Variants in PRUNE2 observed in about 807,000 individuals in gnomAD.
The protein encoded by PRUNE2 is prune homolog 2 with BCH domain.
In PRUNE2, 164 loss-of-function variants were observed where a neutral mutation model predicts 252.0. The observed-to-expected ratio is 0.65, with a 90% CI of 0.57 to 0.74. PRUNE2 has a LOEUF of 0.74. Among genes scored for constraint, PRUNE2 ranks in the 30% least tolerant of loss-of-function variants. PRUNE2 has a pLI of 0.00. For missense variants in PRUNE2, 3,495 were observed against 3,711.0 expected (o/e 0.94, Z 1.51); for synonymous variants, 1,292 against 1,350.2 (o/e 0.96, Z 0.94).
intron 6 of PRUNE2, among the ~76,000 whole-genome samples, chr9:76,782,440 TG>T (rs1274679479): frequency 6.6e-6 from 1 of 152,142 alleles, no homozygotes; most frequent in Non-Finnish European, 1.5e-5. Flanking sequence ...TTTACAGCCT[TG>T]GGAAAGTTAT....
intron 6 of PRUNE2, among the ~76,000 whole-genome samples, chr9:76,797,072 C>T (rs1425118128): frequency 2.0e-5 from 3 of 151,392 alleles, no homozygotes; most frequent in African/African-American, 7.4e-5. Context: ...AGTGTTACTA[C>T]TGGGAGAGGA....
At chr9:76,854,277 T>G (rs1301041686) in intron 1 of PRUNE2, 69 bp from the exon 2 acceptor site, 2 of 824,528 alleles carry the variant, frequency 2.4e-6, no homozygotes, top group South Asian at 4.1e-5. Flanking sequence ...ATTTTTAATA[T>G]TTTAAAAAAG....
intron 1 of PRUNE2, among the ~76,000 whole-genome samples, chr9:76,855,082 A>AAAAAAAATATATATATATATAT (rs1490285240): frequency 9.1e-6 from 1 of 109,436 alleles, no homozygotes; most frequent in African/African-American, 3.9e-5. Context: ...AAAAAAAAAA[A>AAAAAAAATATATATATATATAT]ATATATATAT....
chr9:76,899,596 C>A (rs1168702991), intron 1 of PRUNE2, among the ~76,000 whole-genome samples: 1 of 152,108 alleles, frequency 6.6e-6, no homozygotes, highest in African/African-American at 2.4e-5. Context: ...TTTATTAATT[C>A]TAAAACCACT....
In PRUNE2 at chr9:76,770,961, ATAAC is replaced by A. The variant is rs144748804; in HGVS notation, c.756+52667_756+52670del. Among the ~76,000 whole-genome samples, 602 of 152,302 alleles carry A rather than the reference ATAAC, an allele frequency of 4.0e-3. 2 individuals carry two copies. Among genetic ancestry groups the A allele is most frequent in the African/African-American group, 0.014 (567 of 41,564 alleles). On this transcript the variant is annotated intron_variant, in intron 6 of 18. Transcript: ENST00000376718. ...AGAAGAATTAGTAATTGATAAACTA[ATAAC>A]TAACTAGAGACACTGTAACACTTAC...
intron 17 of PRUNE2, among the ~76,000 whole-genome samples, chr9:76,622,861 G>A (rs1236045817): frequency 6.6e-6 from 1 of 152,154 alleles, no homozygotes; most frequent in Non-Finnish European, 1.5e-5. Flanking sequence ...CTGGAATATT[G>A]TAACAGTAAA....
chr9:76,836,199 C>A (rs1274985287), intron 4 of PRUNE2, among the ~76,000 whole-genome samples: 1 of 151,488 alleles, frequency 6.6e-6, no homozygotes, highest in Non-Finnish European at 1.5e-5. Context: ...TCCTCTAGCA[C>A]ACATCTCTGG....
At chr9:76,781,415 C>T (rs7846757) in intron 6 of PRUNE2, among the ~76,000 whole-genome samples, 384 of 152,304 alleles carry the variant, frequency 2.5e-3, no homozygotes, top group African/African-American at 8.9e-3. Context: ...CCTGAATGTG[C>T]CGACCTATTT....
intron 15 of PRUNE2, among the ~76,000 whole-genome samples, chr9:76,633,804 T>C (rs1025846507): frequency 2.0e-5 from 3 of 152,034 alleles, no homozygotes; most frequent in Non-Finnish European, 2.9e-5. Context: ...TTTTCCTATA[T>C]AATGGAAATA....
At chr9:76,793,380 A>G (rs2055745913) in intron 6 of PRUNE2, among the ~76,000 whole-genome samples, 1 of 152,218 alleles carries the variant, frequency 6.6e-6, no homozygotes, top group Non-Finnish European at 1.5e-5. Context: ...TGGAGGATTG[A>G]CGAACATTTG....
At chr9:76,873,045 C>A (rs1021191222) in intron 1 of PRUNE2, among the ~76,000 whole-genome samples, 3 of 151,958 alleles carry the variant, frequency 2.0e-5, no homozygotes, top group African/African-American at 7.3e-5. Flanking sequence ...AGGGAGAAGC[C>A]CATCCACAAA....
chr9:76,625,016 A>AT, intron 16 of PRUNE2: 1 of 1,302,756 alleles, frequency 7.7e-7, no homozygotes, highest in Non-Finnish European at 1.0e-6. Context: ...AGATCAGGAG[A>AT]TTTTACCTCA....
intron 6 of PRUNE2, among the ~76,000 whole-genome samples, chr9:76,715,724 A>G (rs190669057): frequency 4.6e-5 from 7 of 152,366 alleles, no homozygotes; most frequent in Admixed American, 4.6e-4. Context: ...TCCACAATAG[A>G]AAGACATTAA....
chr9:76,731,310 CTA>C lies in PRUNE2; in HGVS notation c.757-17591_757-17590del, dbSNP rs1194576016. On this transcript the variant is annotated intron_variant, in intron 6 of 18. Coordinates refer to ENST00000376718, the MANE Select transcript of PRUNE2 (RefSeq NM_015225.3). ...TCTATCTATCTATCTATCTATCTATCTATATATATATATATTTTTTTTTTTTT... is the reference window on the plus strand; with the variant it reads ...TCTATCTATCTATCTATCTATCTATCTATATATATATATTTTTTTTTTTTT... Among the ~76,000 whole-genome samples, 214 of 36,630 alleles carry C rather than the reference CTA, an allele frequency of 5.8e-3. 4 individuals carry two copies. Among genetic ancestry groups the C allele is most frequent in the African/African-American group, 0.013 (190 of 14,104 alleles). The allele number at this position is 36,630 out of a possible 152,430, so 24.0% of individuals were successfully genotyped here.
intron 6 of PRUNE2, among the ~76,000 whole-genome samples, chr9:76,815,864 A>G (rs1010606899): frequency 6.6e-5 from 10 of 152,196 alleles, no homozygotes; most frequent in African/African-American, 2.4e-4. Flanking sequence ...AGCTGGAGAT[A>G]CAAAATAAGA....
intron 6 of PRUNE2, among the ~76,000 whole-genome samples, chr9:76,749,591 T>G (rs1365021060): frequency 6.6e-6 from 1 of 152,254 alleles, no homozygotes; most frequent in East Asian, 1.9e-4. Context: ...AGGTCTTAAG[T>G]GTGAGCTTCC....
intron 6 of PRUNE2, among the ~76,000 whole-genome samples, chr9:76,793,816 T>C (rs866440017): frequency 6.6e-6 from 1 of 152,176 alleles, no homozygotes; most frequent in Non-Finnish European, 1.5e-5. Context: ...AGCTAGTTCA[T>C]TACAAATCTA....
intron 1 of PRUNE2, chr9:76,869,039 G>C (rs2061026110): frequency 6.6e-6 from 1 of 152,140 alleles, no homozygotes; most frequent in South Asian, 2.1e-4. Flanking sequence ...TAATTAGTCA[G>C]GTCTTCTCCC....
At chr9:76,650,054 C>T (rs1048287465) in intron 11 of PRUNE2, among the ~76,000 whole-genome samples, 1 of 151,998 alleles carries the variant, frequency 6.6e-6, no homozygotes, top group Admixed American at 6.6e-5. Context: ...GGTAACAGAC[C>T]CTTTCCCATT....
Sources: allele counts gnomAD v4.1 joint callset (sites outside exome capture counted in the v4.1 genomes callset), GRCh38; gene constraint gnomAD v4.1.1; transcripts MANE v1.5; gene names NCBI Gene and HGNC (gene_info 2026-07-23, HGNC 2026-07-21).